ZNF286A: variants seen among roughly 807,000 people sequenced by gnomAD.
The protein encoded by ZNF286A is zinc finger protein ZNF286.
ZNF286A carries 34 observed loss-of-function variants against 49.3 expected under a neutral mutation model. That is an observed-to-expected ratio of 0.69 (90% CI 0.52 to 0.92). The LOEUF (loss-of-function observed/expected upper bound fraction) is 0.92, where lower values mean the gene tolerates loss of function less well. Ranked by LOEUF, ZNF286A falls within the 40% of genes least tolerant of loss-of-function variation. The pLI is 0.00. For synonymous variants in ZNF286A, 155 were observed against 200.4 expected, an observed-to-expected ratio of 0.77 and a Z score of 1.91; for missense variants, 462 against 600.2, an observed-to-expected ratio of 0.77 and a Z score of 2.41.
At chr17:15,705,073 T>A (rs6502467) in intron 3 of ZNF286A, among the ~76,000 whole-genome samples, 1 of 151,802 alleles carries the variant, frequency 6.6e-6, no homozygotes, top group Non-Finnish European at 1.5e-5. Context: ...CCAACCTGCC[T>A]CCCCGGTGCC....
intron 5 of ZNF286A, among the ~76,000 whole-genome samples, chr17:15,709,243 A>T (rs1252118414): frequency 1.3e-5 from 2 of 148,760 alleles, no homozygotes; most frequent in Non-Finnish European, 3.0e-5. Flanking sequence ...TAATCCCAGC[A>T]CTTCGGGAGG....
chr17:15,711,617 T>G (rs1259330754), intron 5 of ZNF286A, among the ~76,000 whole-genome samples: 1 of 152,188 alleles, frequency 6.6e-6, no homozygotes, highest in African/African-American at 2.4e-5. Flanking sequence ...TGTAAATGGC[T>G]AGACAATAAA....
rs529041872 is a variant in ZNF286A at position 15,717,571 on chromosome 17, G to A, written c.*281G>A. On this transcript the variant is annotated 3_prime_UTR_variant, in exon 6 of 6. Coordinates refer to ENST00000583566, the MANE Select transcript of ZNF286A (RefSeq NM_001130842.2). ...AGTCCCTGAGAGTAGGTAGCAGTAC[G>A]AACATTGTGAAATCCAGTTTTCCCC... 2.4e-5 allele frequency: 10 copies of A among 425,078 alleles called. No individual in the cohort carries two copies. The highest frequency in any genetic ancestry group is 6.0e-5 in the African/African-American group (3 of 49,736). 26.3% of individuals were successfully genotyped at this position (425,078 alleles called of 1,614,324 possible). A position where few individuals can be genotyped will look rare whatever the true frequency, so the allele number is the denominator to read the frequency against.
chr17:15,708,914 GC>G (rs1195775867), intron 5 of ZNF286A, among the ~76,000 whole-genome samples: 2 of 152,080 alleles, frequency 1.3e-5, no homozygotes, highest in Admixed American at 1.3e-4. Flanking sequence ...CTTTTTAAAT[GC>G]CTTTTGGTGA....
intron 3 of ZNF286A, among the ~76,000 whole-genome samples, chr17:15,703,564 C>T (rs1285876889): frequency 2.6e-5 from 4 of 151,636 alleles, no homozygotes; most frequent in African/African-American, 4.8e-5. Flanking sequence ...CAGTCCCTGC[C>T]TCTCTCTACT....
intron 5 of ZNF286A, among the ~76,000 whole-genome samples, chr17:15,712,562 G>A (rs925147399): frequency 6.6e-5 from 10 of 152,112 alleles, no homozygotes; most frequent in African/African-American, 2.2e-4. Flanking sequence ...TGTACGTGGT[G>A]GAAATCTACG....
At chr17:15,705,136 T>C (rs547862087) in intron 3 of ZNF286A, among the ~76,000 whole-genome samples, 2 of 152,288 alleles carry the variant, frequency 1.3e-5, no homozygotes, top group South Asian at 4.1e-4. Context: ...TTCCGCATAG[T>C]AGCTTTACTT....
chr17:15,703,052 T>C (rs1989908505), intron 3 of ZNF286A, among the ~76,000 whole-genome samples: 1 of 152,264 alleles, frequency 6.6e-6, no homozygotes, highest in African/African-American at 2.4e-5. Context: ...TCTAATGGGG[T>C]ATTAGGCCCA....
At chr17:15,705,434 A>T (rs1288336066) in intron 3 of ZNF286A, among the ~76,000 whole-genome samples, 4 of 152,054 alleles carry the variant, frequency 2.6e-5, no homozygotes, top group East Asian at 3.9e-4. Context: ...TTTACATTTT[A>T]AAAAAATGAA....
Sources: gnomAD v4.1 joint callset for allele counts (sites outside exome capture counted in the v4.1 genomes callset) on GRCh38, gnomAD v4.1.1 for gene constraint, MANE v1.5 for transcripts, NCBI Gene and HGNC (gene_info 2026-07-23, HGNC 2026-07-21) for gene names.